The following RELN variants were observed in gnomAD, a reference collection of about 807,000 sequenced individuals.
RELN encodes the protein reelin.
Under a neutral mutation model 427.6 loss-of-function variants are expected in RELN, and 108 were observed. The observed-to-expected ratio is 0.25, with a 90% CI of 0.22 to 0.30. The LOEUF (loss-of-function observed/expected upper bound fraction) is 0.30. RELN is among the 10% of genes least tolerant of loss of function. RELN has a pLI of 1.00. For synonymous variants in RELN, 1,524 were observed against 1,513.4 expected (o/e 1.01, Z -0.16); for missense variants, 3,715 against 4,302.8 (o/e 0.86, Z 3.82).
intron 6 of RELN, among the ~76,000 whole-genome samples, chr7:103,735,759 G>A (rs1790475739): frequency 6.6e-6 from 1 of 152,108 alleles, no homozygotes; most frequent in Non-Finnish European, 1.5e-5. Flanking sequence ...TGAGATACAT[G>A]TAATTTGTCC....
At chr7:103,967,924 T>C (rs1341736675) in intron 1 of RELN, among the ~76,000 whole-genome samples, 1 of 152,186 alleles carries the variant, frequency 6.6e-6, no homozygotes, top group African/African-American at 2.4e-5. Context: ...CAGGCCACTT[T>C]CCTGTCGCAC....
At chr7:103,600,786 T>C (rs1831647737) in intron 24 of RELN, among the ~76,000 whole-genome samples, 1 of 152,236 alleles carries the variant, frequency 6.6e-6, no homozygotes, top group Non-Finnish European at 1.5e-5. Context: ...TTTGAAATGA[T>C]GATTTTTAGT....
intron 11 of RELN, among the ~76,000 whole-genome samples, chr7:103,679,300 GACA>G (rs1413972632): frequency 6.6e-6 from 1 of 152,172 alleles, no homozygotes; most frequent in African/African-American, 2.4e-5. Flanking sequence ...GCCACCAGAT[GACA>G]ACATGAATGA....
chr7:103,524,384 TGATATAAAAGC>T (rs61576974), intron 46 of RELN, among the ~76,000 whole-genome samples: 48,613 of 151,696 alleles, frequency 0.32, 10,566 homozygotes, highest in African/African-American at 0.6. Context: ...TATTTTACAT[TGATATAAAAGC>T]GATATAAGTA....
intron 51 of RELN, among the ~76,000 whole-genome samples, chr7:103,509,076 T>C (rs1829310696): frequency 6.6e-6 from 1 of 152,200 alleles, no homozygotes; most frequent in African/African-American, 2.4e-5. Context: ...ATGGCCATAC[T>C]GCCCAAAGTA....
intron 1 of RELN, among the ~76,000 whole-genome samples, chr7:103,963,134 C>CTTTTTTT (rs61170235): frequency 0.16 from 22,193 of 139,094 alleles, 2,122 homozygotes; most frequent in Middle Eastern, 0.27. Flanking sequence ...TTTTCGCCTT[C>CTTTTTTT]TTTTTTTTTT....
chr7:103,485,961 C>G (rs1185264745), intron 61 of RELN, among the ~76,000 whole-genome samples: 1 of 152,120 alleles, frequency 6.6e-6, no homozygotes, highest in Non-Finnish European at 1.5e-5. Flanking sequence ...CCTACATTAC[C>G]ACCACTCAGC....
At chr7:103,743,777 C>T (rs1790736718) in intron 6 of RELN, among the ~76,000 whole-genome samples, 1 of 152,096 alleles carries the variant, frequency 6.6e-6, no homozygotes, top group Non-Finnish European at 1.5e-5. Flanking sequence ...TCCTGAGTGA[C>T]CTACAAAGAG....
intron 1 of RELN, among the ~76,000 whole-genome samples, chr7:103,938,939 T>C (rs1468956759): frequency 6.6e-6 from 1 of 151,866 alleles, no homozygotes; most frequent in Non-Finnish European, 1.5e-5. Flanking sequence ...TAAAGTTTTA[T>C]AAGCTTTTTT....
intron 8 of RELN, among the ~76,000 whole-genome samples, chr7:103,721,410 A>T (rs78159563): frequency 0.023 from 3,553 of 152,218 alleles, 150 homozygotes; most frequent in African/African-American, 0.081. Context: ...GTTTATGTCT[A>T]GTCCCGAGAC....
Position 103,561,586 on chromosome 7 carries a change from C to T in RELN, c.5475G>A (p.Arg1825=). The T allele has an allele frequency of 1.9e-6, 3 of 1,613,844 alleles. No individual in the cohort carries two copies. The highest frequency in any genetic ancestry group is 2.2e-5 in the East Asian group (1 of 44,886). ...TGATGGTTTCACCATTCAGATTCCC[C>T]CTCTCTGCACCATACACTTCAGGCC... is the stretch of plus-strand genomic sequence containing the variant. ...DLWPEVYGAE[R]GNLNGETIKS... The change falls in exon 36 of 65, where the codon AGG becomes AGA. Residue 1825 remains arginine, a synonymous_variant. Transcript: ENST00000428762.
In RELN at chr7:103,741,617, A is replaced by C. The variant is rs1222463251; in HGVS notation, c.656+7809T>G. 2.6e-5 allele frequency among the ~76,000 whole-genome samples: 4 copies of C among 151,304 alleles called. No homozygotes were observed. In the East Asian group the frequency reaches 7.8e-4, roughly 29 times the overall value. On this transcript the variant is annotated intron_variant, in intron 6 of 64. Transcript: ENST00000428762. The stretch of plus-strand genomic sequence containing the variant: ...GAAGTAAAAGTGGGAGAGAAAAGAG[A>C]AGAGGGAGGAGAGGGAACGGGAGAG...
intron 50 of RELN, chr7:103,513,198 T>C (rs1020236775): frequency 3.9e-5 from 6 of 152,204 alleles, no homozygotes; most frequent in African/African-American, 1.4e-4. Context: ...GGGCTTGCAT[T>C]GCTCAACTAA....
At chr7:103,806,639 T>C (rs917483640) in intron 3 of RELN, among the ~76,000 whole-genome samples, 10 of 152,132 alleles carry the variant, frequency 6.6e-5, no homozygotes, top group African/African-American at 2.4e-4. Flanking sequence ...GCACTTCTTA[T>C]GGAAAAATAT....
At chr7:103,785,926 GA>G (rs2116248961) in intron 3 of RELN, among the ~76,000 whole-genome samples, 1 of 152,016 alleles carries the variant, frequency 6.6e-6, no homozygotes, top group South Asian at 2.1e-4. Context: ...GAAAAAAAGG[GA>G]AGACTGTAAA....
intron 10 of RELN, among the ~76,000 whole-genome samples, chr7:103,691,837 T>G (rs1175285839): frequency 1.3e-5 from 2 of 151,982 alleles, no homozygotes; most frequent in African/African-American, 4.8e-5. Flanking sequence ...AAAACTAAAA[T>G]AAAAAGAAAA....
chr7:103,809,444 C>T (rs1254475213), intron 3 of RELN, among the ~76,000 whole-genome samples: 5 of 148,480 alleles, frequency 3.4e-5, no homozygotes, highest in Middle Eastern at 3.3e-3. Context: ...CTACAGGCCT[C>T]GCGAGCAGCC....
intron 49 of RELN, among the ~76,000 whole-genome samples, chr7:103,515,876 G>T (rs750496447): frequency 2.6e-5 from 4 of 152,200 alleles, no homozygotes; most frequent in Non-Finnish European, 5.9e-5. Context: ...GCTGGCAAGT[G>T]ACTTGGGGTA....
At chr7:103,701,614 A>G (rs551849925) in intron 8 of RELN, among the ~76,000 whole-genome samples, 1 of 152,106 alleles carries the variant, frequency 6.6e-6, no homozygotes, top group Non-Finnish European at 1.5e-5. Flanking sequence ...TATCATTATT[A>G]TTTTCAATAG....
Sources: allele counts gnomAD v4.1 joint callset (sites outside exome capture counted in the v4.1 genomes callset), GRCh38; gene constraint gnomAD v4.1.1; transcripts MANE v1.5; gene names NCBI Gene and HGNC (gene_info 2026-07-23, HGNC 2026-07-21).